Variants in AGBL4 observed in about 807,000 individuals in gnomAD.
AGBL4 encodes the protein cytosolic carboxypeptidase 6.
In AGBL4, 58 loss-of-function variants were observed where a neutral mutation model predicts 66.4. The observed-to-expected ratio is 0.87, with a 90% CI of 0.71 to 1.09. The LOEUF (loss-of-function observed/expected upper bound fraction) is 1.09. AGBL4 is among the 50% of genes least tolerant of loss of function. The pLI, the probability that AGBL4 is intolerant of heterozygous loss-of-function variation, is 0.00. For missense variants in AGBL4, 579 were observed against 631.0 expected (o/e 0.92, Z 0.88); for synonymous variants, 234 against 222.9 (o/e 1.05, Z -0.44).
intron 1 of AGBL4, among the ~76,000 whole-genome samples, chr1:49,878,919 CTTCT>C (rs1266919320): frequency 1.3e-4 from 14 of 104,264 alleles, no homozygotes; most frequent in African/African-American, 3.9e-4. Context: ...ATGTAATGGC[CTTCT>C]TTGTCTCTTT....
rs186954587 is a variant in AGBL4, at chr1:49,642,716, G to A, written c.282+54597C>T. Among the ~76,000 whole-genome samples the A allele has an allele frequency of 1.1e-3, 172 of 152,070 alleles. 1 individual carries two copies. Among genetic ancestry groups the A allele is most frequent in the African/African-American group, 4.0e-3 (168 of 41,538 alleles). On this transcript the variant is annotated intron_variant, in intron 3 of 13. Transcript: ENST00000371839. ...CACAGGGTGTTTGACAAACTACTCA[G>A]ATAAAGTACTCAGAACAGTTTTGCA... is the stretch of plus-strand genomic sequence containing the variant.
chr1:49,907,875 T>A (rs1386397641), intron 1 of AGBL4, among the ~76,000 whole-genome samples: 1 of 151,952 alleles, frequency 6.6e-6, no homozygotes, highest in Non-Finnish European at 1.5e-5. Flanking sequence ...AGGATGTTGA[T>A]AATTGGAGAG....
intron 9 of AGBL4, among the ~76,000 whole-genome samples, chr1:48,614,166 C>T (rs1262812470): frequency 1.3e-5 from 2 of 152,162 alleles, no homozygotes; most frequent in Non-Finnish European, 2.9e-5. Context: ...ATTTCTTATT[C>T]TTCTGCTGCA....
chr1:48,697,232 C>G (rs1021662049), intron 6 of AGBL4, among the ~76,000 whole-genome samples: 1 of 152,182 alleles, frequency 6.6e-6, no homozygotes, highest in Admixed American at 6.5e-5. Context: ...TGGACATCAC[C>G]AAAGCACCAC....
At chr1:49,610,688 A>G (rs1179096136) in intron 3 of AGBL4, among the ~76,000 whole-genome samples, 2 of 152,170 alleles carry the variant, frequency 1.3e-5, no homozygotes, top group Admixed American at 1.3e-4. Context: ...CACCTCATCT[A>G]TGAGGAAGAG....
At chr1:49,400,832 C>G (rs1645068970) in intron 3 of AGBL4, among the ~76,000 whole-genome samples, 1 of 152,076 alleles carries the variant, frequency 6.6e-6, no homozygotes, top group African/African-American at 2.4e-5. Context: ...TGACTTCTTC[C>G]TTTCCAACCC....
intron 4 of AGBL4, among the ~76,000 whole-genome samples, chr1:49,073,044 G>A (rs989155489): frequency 1.3e-5 from 2 of 151,982 alleles, no homozygotes; most frequent in African/African-American, 4.8e-5. Flanking sequence ...TTCAGCTACC[G>A]AAGCTTGCAT....
intron 6 of AGBL4, among the ~76,000 whole-genome samples, chr1:48,759,671 G>A (rs1464448296): frequency 6.6e-6 from 1 of 152,154 alleles, no homozygotes; most frequent in African/African-American, 2.4e-5. Flanking sequence ...ATGTATTTGT[G>A]GAGAATCAGG....
At chr1:49,379,046 T>C (rs533970148) in intron 3 of AGBL4, among the ~76,000 whole-genome samples, 1 of 152,190 alleles carries the variant, frequency 6.6e-6, no homozygotes, top group South Asian at 2.1e-4. Flanking sequence ...GAAAATGTGG[T>C]AGGCCTATGA....
At chr1:48,978,091 A>G (rs1659482908) in intron 5 of AGBL4, among the ~76,000 whole-genome samples, 1 of 152,184 alleles carries the variant, frequency 6.6e-6, no homozygotes, top group African/African-American at 2.4e-5. Context: ...TGGTGAGAAC[A>G]TATTTATGCA....
intron 9 of AGBL4, among the ~76,000 whole-genome samples, chr1:48,609,708 C>T (rs1449061204): frequency 6.6e-6 from 1 of 152,220 alleles, no homozygotes; most frequent in African/African-American, 2.4e-5. Flanking sequence ...CAGACATGAG[C>T]CACCATGCTT....
intron 2 of AGBL4, among the ~76,000 whole-genome samples, chr1:49,717,989 A>C (rs984565872): frequency 6.6e-6 from 1 of 152,070 alleles, no homozygotes; most frequent in Non-Finnish European, 1.5e-5. Context: ...GATAACTTCA[A>C]TCCAAAACAT....
intron 5 of AGBL4, among the ~76,000 whole-genome samples, chr1:48,913,358 C>A (rs932388472): frequency 3.3e-5 from 5 of 152,112 alleles, no homozygotes; most frequent in African/African-American, 1.2e-4. Flanking sequence ...CAGAAGTCCC[C>A]AAATCCCAGT....
intron 3 of AGBL4, among the ~76,000 whole-genome samples, chr1:49,412,581 A>G (rs987349458): frequency 6.6e-6 from 1 of 152,166 alleles, no homozygotes; most frequent in African/African-American, 2.4e-5. Context: ...ATGCTTTTAT[A>G]TCACATTCTC....
At position 49,578,883 on chromosome 1, in the gene AGBL4, T is replaced by C. The variant is rs538845002; in HGVS notation, c.282+118430A>G. Among the ~76,000 whole-genome samples, 3 of 152,316 alleles carry C rather than the reference T, an allele frequency of 2.0e-5. No homozygotes were observed. The South Asian group carries it at 6.2e-4, about 32-fold the overall frequency. ...TGATTGAATTGAAGGATACAGAGTA[T>C]TGATACTGGGTATATCTGTGAAGGT... On this transcript the variant is annotated intron_variant, in intron 3 of 13. Transcript: ENST00000371839.
chr1:49,162,536 T>G (rs1646559614), intron 4 of AGBL4, among the ~76,000 whole-genome samples: 1 of 152,224 alleles, frequency 6.6e-6, no homozygotes, highest in Non-Finnish European at 1.5e-5. Flanking sequence ...AATCCACAAC[T>G]TAGTATTTAT....
At chr1:49,676,196 A>G (rs1646575546) in intron 3 of AGBL4, among the ~76,000 whole-genome samples, 1 of 152,080 alleles carries the variant, frequency 6.6e-6, no homozygotes, top group African/African-American at 2.4e-5. Context: ...CTGACCCTGT[A>G]TCCATTGTTG....
intron 1 of AGBL4, among the ~76,000 whole-genome samples, chr1:49,889,711 C>T (rs112341900): frequency 0.028 from 4,272 of 150,020 alleles, 168 homozygotes; most frequent in African/African-American, 0.1. Flanking sequence ...GAGCCCAGAC[C>T]GCACCACTGC....
intron 1 of AGBL4, among the ~76,000 whole-genome samples, chr1:49,891,972 G>C (rs148192888): frequency 2.0e-5 from 3 of 152,236 alleles, no homozygotes; most frequent in Non-Finnish European, 4.4e-5. Flanking sequence ...TGCTGGATAA[G>C]ACGGCAGCTG....
Sources: allele counts gnomAD v4.1 joint callset (sites outside exome capture counted in the v4.1 genomes callset), GRCh38; gene constraint gnomAD v4.1.1; transcripts MANE v1.5; gene names NCBI Gene and HGNC (gene_info 2026-07-23, HGNC 2026-07-21).